The following ENTPD1 variants were observed in gnomAD, a reference collection of about 807,000 sequenced individuals.
ENTPD1 encodes the protein ATP diphosphohydrolase.
ENTPD1 carries 33 observed loss-of-function variants against 57.0 expected under a neutral mutation model. The observed-to-expected ratio is 0.58, with a 90% CI of 0.44 to 0.77. The LOEUF is 0.77. Among genes scored for constraint, ENTPD1 ranks in the 30% least tolerant of loss-of-function variants. ENTPD1 has a pLI of 0.00. For missense variants in ENTPD1, 501 were observed against 603.4 expected (o/e 0.83, Z 1.78); for synonymous variants, 202 against 218.8 (o/e 0.92, Z 0.68).
intron 1 of ENTPD1, among the ~76,000 whole-genome samples, chr10:95,734,162 A>T (rs1000704229): frequency 4.6e-5 from 7 of 152,156 alleles, no homozygotes; most frequent in African/African-American, 1.7e-4. Context: ...AGAATATCAG[A>T]TGGGATCAAG....
rs1354776544 is a variant in ENTPD1 at position 95,869,274 on chromosome 10, G to A, written c.*2891G>A. The A allele has an allele frequency of 2.7e-5, 25 of 932,060 alleles. No homozygotes were observed. Among genetic ancestry groups the A allele is most frequent in the Non-Finnish European group, 3.1e-5 (25 of 803,494 alleles). 57.7% of individuals were successfully genotyped at this position (932,060 alleles called of 1,614,324 possible). ...TTTTTTTTTTTTTTTTTTTGAGAGA[G>A]AGTCTCACTCCATTGCCCAGGCTGG... On this transcript the variant is annotated 3_prime_UTR_variant, in exon 10 of 10. Coordinates refer to ENST00000371205, the MANE Select transcript of ENTPD1 (RefSeq NM_001776.6).
intron 1 of ENTPD1, among the ~76,000 whole-genome samples, chr10:95,792,577 A>T (rs10786236): frequency 0.5 from 76,326 of 152,060 alleles, 19,668 homozygotes; most frequent in Admixed American, 0.6. Context: ...AGGGAACTGC[A>T]TGATTGCCAG....
chr10:95,752,327 T>A (rs1420317299), upstream of ENTPD1, among the ~76,000 whole-genome samples: 1 of 152,186 alleles, frequency 6.6e-6, no homozygotes, highest in African/African-American at 2.4e-5. Context: ...TTGTTTTAAT[T>A]AATTTTTTAA....
intron 1 of ENTPD1, among the ~76,000 whole-genome samples, chr10:95,816,795 T>G (rs1051109125): frequency 2.0e-5 from 3 of 152,234 alleles, no homozygotes. Flanking sequence ...GGTAACTTGT[T>G]GTGGCAGCCC....
the ENTPD1 span, among the ~76,000 whole-genome samples, chr10:95,699,253 C>T: frequency 1.3e-5 from 2 of 152,086 alleles, no homozygotes; most frequent in Non-Finnish European, 2.9e-5. Flanking sequence ...TATAGAGAGA[C>T]ATGAGAATTT....
chr10:95,752,319 G>A (rs1411673837), upstream of ENTPD1, among the ~76,000 whole-genome samples: 1 of 152,088 alleles, frequency 6.6e-6, no homozygotes, highest in Non-Finnish European at 1.5e-5. Context: ...AGCTGTTTTT[G>A]TTTTAATTAA....
chr10:95,757,076 G>A (rs1589687845), intron 1 of ENTPD1, among the ~76,000 whole-genome samples: 1 of 152,206 alleles, frequency 6.6e-6, no homozygotes, highest in East Asian at 1.9e-4. Flanking sequence ...AGGGAGTATA[G>A]GGTTGTAAAC....
chr10:95,800,806 T>G (rs1158466609), intron 1 of ENTPD1, among the ~76,000 whole-genome samples: 2 of 152,160 alleles, frequency 1.3e-5, no homozygotes, highest in Admixed American at 1.3e-4. Flanking sequence ...TGAAAATAGC[T>G]GTTATTCTGT....
chr10:95,786,477 G>A (rs749969445), intron 1 of ENTPD1, among the ~76,000 whole-genome samples: 8 of 152,136 alleles, frequency 5.3e-5, no homozygotes, highest in African/African-American at 1.4e-4. Context: ...CCTAGCTTCC[G>A]TATTGCACTA....
chr10:95,826,376 CA>C (rs1403776970), intron 2 of ENTPD1, among the ~76,000 whole-genome samples: 3 of 151,910 alleles, frequency 2.0e-5, no homozygotes, highest in Non-Finnish European at 4.4e-5. Context: ...AGCTTGAGAC[CA>C]CCCTGGGCAA....
At chr10:95,695,049 C>G in the ENTPD1 span, among the ~76,000 whole-genome samples, 1 of 151,634 alleles carries the variant, frequency 6.6e-6, no homozygotes. Context: ...GACAGGCACG[C>G]GCCACCACGC....
chr10:95,797,171 G>T (rs903142461), intron 1 of ENTPD1, among the ~76,000 whole-genome samples: 2 of 152,114 alleles, frequency 1.3e-5, no homozygotes, highest in Non-Finnish European at 2.9e-5. Flanking sequence ...GGAGAAGTGG[G>T]AATATAGGGG....
chr10:95,728,830 C>T (rs895571466), intron 1 of ENTPD1, among the ~76,000 whole-genome samples: 1 of 152,124 alleles, frequency 6.6e-6, no homozygotes, highest in African/African-American at 2.4e-5. Context: ...TGATTTAATA[C>T]TGCATCTTTA....
intron 1 of ENTPD1, among the ~76,000 whole-genome samples, chr10:95,764,019 AT>A (rs1378287315): frequency 3.9e-5 from 6 of 152,190 alleles, no homozygotes; most frequent in Admixed American, 3.9e-4. Context: ...ATATCATACG[AT>A]TCACCAACTT....
chr10:95,858,319 G>A (rs1046165682), intron 7 of ENTPD1, among the ~76,000 whole-genome samples: 7 of 152,142 alleles, frequency 4.6e-5, no homozygotes. Flanking sequence ...AAGGCTTGGC[G>A]GGGATTGAAA....
chr10:95,770,373 G>T (rs1248928447), intron 1 of ENTPD1, among the ~76,000 whole-genome samples: 2 of 151,990 alleles, frequency 1.3e-5, no homozygotes, highest in Admixed American at 1.3e-4. Context: ...GTCTAACTGG[G>T]TCTAATGCTG....
rs1341928055 is a variant in ENTPD1, at chr10:95,874,451, CT to C, written c.*8069del. On this transcript the variant is annotated 3_prime_UTR_variant, in exon 10 of 10. Transcript: ENST00000371205. ...CCCATGGTCTTGTGCAGCTCCGCCC[CT>C]GTGGCTTTGCAGAGTACAGCCTCCC... Among the ~76,000 whole-genome samples, 3 of 152,202 alleles carry C rather than the reference CT, an allele frequency of 2.0e-5. No homozygotes were observed. The highest frequency in any genetic ancestry group is 1.3e-4 in the Admixed American group (2 of 15,288).
At chr10:95,787,524 G>C (rs1170960659) in intron 1 of ENTPD1, among the ~76,000 whole-genome samples, 2 of 152,236 alleles carry the variant, frequency 1.3e-5, no homozygotes, top group Middle Eastern at 3.4e-3. Flanking sequence ...TTGGGTGAGA[G>C]AATACAAAGG....
chr10:95,703,781 CAAAAA>C, the ENTPD1 span, among the ~76,000 whole-genome samples: 12 of 73,380 alleles, frequency 1.6e-4, no homozygotes, highest in Admixed American at 1.7e-4. Flanking sequence ...GACTCTGTCT[CAAAAA>C]AAAAAAAAAA....
Sources: gnomAD v4.1 joint callset for allele counts (sites outside exome capture counted in the v4.1 genomes callset) on GRCh38, gnomAD v4.1.1 for gene constraint, MANE v1.5 for transcripts, NCBI Gene and HGNC (gene_info 2026-07-23, HGNC 2026-07-21) for gene names.